The following PDZD2 variants were observed in gnomAD, a reference collection of about 807,000 sequenced individuals.
PDZD2 encodes the protein PDZ domain containing 2.
A neutral mutation model predicts 220.7 loss-of-function variants in PDZD2; 90 were observed. The ratio of observed to expected loss-of-function variants is 0.41; its 90% CI spans 0.34 to 0.49. The LOEUF (loss-of-function observed/expected upper bound fraction) is 0.49. Among genes scored for constraint, PDZD2 ranks in the 20% least tolerant of loss-of-function variants. The pLI is 0.28. For missense variants in PDZD2, 3,174 were observed against 3,608.5 expected (o/e 0.88, Z 3.08); for synonymous variants, 1,375 against 1,450.5 (o/e 0.95, Z 1.18).
intron 3 of PDZD2, among the ~76,000 whole-genome samples, chr5:31,990,934 G>T (rs1751160157): frequency 6.6e-6 from 1 of 152,306 alleles, no homozygotes; most frequent in African/African-American, 2.4e-5. Context: ...GGCGATGTTT[G>T]AGCTGAGGAT....
intron 2 of PDZD2, among the ~76,000 whole-genome samples, chr5:31,850,199 T>C (rs888548501): frequency 1.7e-5 from 2 of 116,108 alleles, no homozygotes; most frequent in African/African-American, 6.3e-5. Context: ...TATATGTATA[T>C]ATAAGTATAT....
intron 1 of PDZD2, among the ~76,000 whole-genome samples, chr5:31,667,166 A>G (rs39793): frequency 0.96 from 143,358 of 149,782 alleles, 68,750 homozygotes; most frequent in East Asian, 1. Flanking sequence ...AACCCAGGAG[A>G]CGGAGCTTGC....
At chr5:32,105,463 A>C (rs1744672274) in intron 24 of PDZD2, among the ~76,000 whole-genome samples, 1 of 152,226 alleles carries the variant, frequency 6.6e-6, no homozygotes, top group South Asian at 2.1e-4. Context: ...TTTAAGGAAA[A>C]TTTTAGCAGT....
intron 8 of PDZD2, 72 bp downstream of exon 8, chr5:32,048,756 C>A: frequency 1.3e-6 from 2 of 1,499,250 alleles, no homozygotes; most frequent in Non-Finnish European, 1.8e-6. Flanking sequence ...CCCATCCATA[C>A]AGGCCAGGAG....
Position 31,835,408 on chromosome 5 carries a change from C to T in PDZD2, c.476+35684C>T, listed in dbSNP as rs1189079345. Reference sequence around the variant, plus strand: ...CCGACGCAGGTGAATCACTTGAGGTCAGGAGTTCGAGACCAGCCTGGCCAA... The same window carrying T: ...CCGACGCAGGTGAATCACTTGAGGTTAGGAGTTCGAGACCAGCCTGGCCAA... On this transcript the variant is annotated intron_variant, in intron 2 of 24. Coordinates refer to ENST00000438447, the MANE Select transcript of PDZD2 (RefSeq NM_178140.4). Among the ~76,000 whole-genome samples the T allele has an allele frequency of 7.3e-5, 11 of 151,064 alleles. No individual in the cohort carries two copies. In the Admixed American group the frequency reaches 7.3e-4, roughly 10 times the overall value.
intron 5 of PDZD2, among the ~76,000 whole-genome samples, chr5:32,007,763 CTCT>C (rs1752946518): frequency 6.6e-6 from 1 of 152,222 alleles, no homozygotes. Context: ...GAACAGGTAG[CTCT>C]TCTTGCTCTC....
At position 31,938,356 on chromosome 5, in the gene PDZD2, G is replaced by A. The variant is rs1332607802; in HGVS notation, c.477-44799G>A. ...TTTCTTAGTCTGTATTGGTGCCATC[G>A]CCTCCAAATGGGTAGATTCAGGAGT... On this transcript the variant is annotated intron_variant, in intron 2 of 24. Coordinates refer to ENST00000438447, the MANE Select transcript of PDZD2 (RefSeq NM_178140.4). 3.3e-5 allele frequency among the ~76,000 whole-genome samples: 5 copies of A among 152,308 alleles called. No homozygotes were observed. In the East Asian group the frequency reaches 9.6e-4, roughly 29 times the overall value.
At chr5:31,809,428 T>C (rs1754952382) in intron 2 of PDZD2, among the ~76,000 whole-genome samples, 2 of 152,222 alleles carry the variant, frequency 1.3e-5, no homozygotes, top group Admixed American at 1.3e-4. Context: ...CTGGTGTTTT[T>C]TCCTGTGGCC....
intron 1 of PDZD2, among the ~76,000 whole-genome samples, chr5:31,728,041 G>A (rs573911947): frequency 8.0e-5 from 12 of 150,458 alleles, no homozygotes; most frequent in Non-Finnish European, 1.6e-4. Context: ...GAAGACCGTC[G>A]CTGACCACCT....
chr5:31,876,270 C>T (rs1348407198), intron 2 of PDZD2, among the ~76,000 whole-genome samples: 1 of 148,886 alleles, frequency 6.7e-6, no homozygotes, highest in Non-Finnish European at 1.5e-5. Flanking sequence ...AAGGAATGCG[C>T]TTGATTTTTG....
intron 1 of PDZD2, among the ~76,000 whole-genome samples, chr5:31,678,069 C>T (rs1324963885): frequency 6.6e-6 from 1 of 152,180 alleles, no homozygotes; most frequent in African/African-American, 2.4e-5. Flanking sequence ...TGGTTTATTA[C>T]ATGTCAATTA....
intron 2 of PDZD2, among the ~76,000 whole-genome samples, chr5:31,858,705 C>G (rs1037646868): frequency 2.6e-5 from 4 of 151,932 alleles, no homozygotes; most frequent in Admixed American, 2.6e-4. Flanking sequence ...TCCTTCATCC[C>G]TCCCTCCCTC....
intron 6 of PDZD2, among the ~76,000 whole-genome samples, chr5:32,030,158 G>A (rs1017353761): frequency 6.6e-6 from 1 of 152,240 alleles, no homozygotes; most frequent in African/African-American, 2.4e-5. Context: ...AAGCAGGAAT[G>A]TTCAGTCAGT....
chr5:31,729,505 C>T (rs1749387589), intron 1 of PDZD2, among the ~76,000 whole-genome samples: 1 of 152,182 alleles, frequency 6.6e-6, no homozygotes, highest in Non-Finnish European at 1.5e-5. Context: ...GTATGTTGCT[C>T]AGATCACACT....
intron 2 of PDZD2, among the ~76,000 whole-genome samples, chr5:31,975,799 TTTTATTTA>T (rs200267768): frequency 0.013 from 626 of 48,996 alleles, 77 homozygotes; most frequent in East Asian, 0.074. Context: ...GTCACTTTTT[TTTTATTTA>T]TTTTTTTTTT....
At position 32,098,287 on chromosome 5, in the gene PDZD2, A is replaced by G. The variant is rs1408898210; in HGVS notation, c.7948-77A>G. 3 of 1,379,590 alleles carry G rather than the reference A, an allele frequency of 2.2e-6. No individual in the cohort carries two copies. Among genetic ancestry groups the G allele is most frequent in the Non-Finnish European group, 3.0e-6 (3 of 992,358 alleles). 85.5% of individuals were successfully genotyped at this position (1,379,590 alleles called of 1,614,324 possible). On this transcript the variant is annotated intron_variant, in intron 22 of 24. Coordinates refer to ENST00000438447, the MANE Select transcript of PDZD2 (RefSeq NM_178140.4). The surrounding 1 kb of genome is among the most constrained non-coding windows in gnomAD (Gnocchi z 4.1). ...GAAGGTTCCTTTACTACAGATACGC[A>G]GTTAGTTACTATCTCCCTTTTACCG...
intron 1 of PDZD2, among the ~76,000 whole-genome samples, chr5:31,705,584 C>T (rs1005598505): frequency 1.3e-5 from 2 of 151,712 alleles, no homozygotes; most frequent in African/African-American, 4.8e-5. Context: ...TAGACCCTTA[C>T]GAAAAATATA....
At chr5:31,938,722 A>C (rs140502046) in intron 2 of PDZD2, among the ~76,000 whole-genome samples, 1 of 152,202 alleles carries the variant, frequency 6.6e-6, no homozygotes, top group African/African-American at 2.4e-5. Flanking sequence ...ATGTTTTCTC[A>C]TATTTAGAAC....
At chr5:31,921,254 C>G (rs1179331156) in intron 2 of PDZD2, among the ~76,000 whole-genome samples, 1 of 152,174 alleles carries the variant, frequency 6.6e-6, no homozygotes, top group Admixed American at 6.5e-5. Flanking sequence ...CCCAACTCTC[C>G]TCCATCTGTG....
Sources: gnomAD v4.1 joint callset for allele counts (sites outside exome capture counted in the v4.1 genomes callset) on GRCh38, gnomAD v4.1.1 for gene constraint, Gnocchi (gnomAD v3.1) non-coding constraint, MANE v1.5 for transcripts, NCBI Gene and HGNC (gene_info 2026-07-23, HGNC 2026-07-21) for gene names.